ABCA13: variants seen among roughly 807,000 people sequenced by gnomAD.
ABCA13 encodes ATP-binding cassette sub-family A member 13.
A neutral mutation model predicts 478.7 loss-of-function variants in ABCA13; 476 were observed. The ratio of observed to expected loss-of-function variants is 0.99; its 90% CI spans 0.92 to 1.07. The LOEUF is 1.07. ABCA13 is among the 50% of genes least tolerant of loss of function. The pLI, the probability that ABCA13 is intolerant of heterozygous loss-of-function variation, is 0.00. For missense variants in ABCA13, 6,060 were observed against 5,910.6 expected (o/e 1.03, Z -0.83); for synonymous variants, 2,252 against 2,158.9 (o/e 1.04, Z -1.20).
At chr7:48,494,918 A>G (rs188038712) in intron 48 of ABCA13, among the ~76,000 whole-genome samples, 1 of 152,324 alleles carries the variant, frequency 6.6e-6, no homozygotes, top group African/African-American at 2.4e-5. Flanking sequence ...TTCTCTAAGA[A>G]CACACAGGGA....
At chr7:48,177,120 A>G (rs944272686) in intron 1 of ABCA13, among the ~76,000 whole-genome samples, 11 of 152,238 alleles carry the variant, frequency 7.2e-5, no homozygotes, top group African/African-American at 2.7e-4. Context: ...AAATTTACAG[A>G]TATCAAGCCT....
intron 42 of ABCA13, among the ~76,000 whole-genome samples, chr7:48,432,061 C>T (rs141650308): frequency 1.0e-3 from 159 of 152,036 alleles, no homozygotes; most frequent in African/African-American, 3.7e-3. Flanking sequence ...TGCACATGTA[C>T]CCTAGAACTT....
In ABCA13 at chr7:48,431,031, G is replaced by A. The variant is rs543397058; in HGVS notation, c.12565+3160G>A. Among the ~76,000 whole-genome samples, 9 of 152,038 alleles carry A rather than the reference G, an allele frequency of 5.9e-5. No individual in the cohort carries two copies. The South Asian group carries it at 1.7e-3, about 28-fold the overall frequency. ...AGCTGTACCCTGTAAATTTTGATAT[G>A]TTGTATCTTCATTTTTCATTCATCT... On this transcript the variant is annotated intron_variant, in intron 42 of 61. Coordinates refer to ENST00000435803, the MANE Select transcript of ABCA13 (RefSeq NM_152701.5).
chr7:48,371,092 T>C (rs1232323191), intron 32 of ABCA13, among the ~76,000 whole-genome samples: 4 of 152,192 alleles, frequency 2.6e-5, no homozygotes, highest in Non-Finnish European at 5.9e-5. Context: ...TGGTTATAGA[T>C]GTGTGGTCTT....
At chr7:48,293,187 CT>C (rs1313851448) in intron 20 of ABCA13, among the ~76,000 whole-genome samples, 2 of 130,484 alleles carry the variant, frequency 1.5e-5, no homozygotes, top group Non-Finnish European at 3.2e-5. Flanking sequence ...CCTGAGAAGT[CT>C]TCAGCCCCCC....
At chr7:48,309,159 TTC>T (rs566535235) in intron 23 of ABCA13, among the ~76,000 whole-genome samples, 3 of 151,810 alleles carry the variant, frequency 2.0e-5, no homozygotes, top group Non-Finnish European at 2.9e-5. Flanking sequence ...ATCTGTTGAG[TTC>T]TCCGTGCTCT....
chr7:48,636,676 T>C (rs1794663658), intron 59 of ABCA13, among the ~76,000 whole-genome samples: 1 of 152,186 alleles, frequency 6.6e-6, no homozygotes, highest in Non-Finnish European at 1.5e-5. Context: ...ATGAATTTAG[T>C]AATTTTCCAA....
chr7:48,438,884 G>GTTTTGTTT (rs377348909), intron 42 of ABCA13, among the ~76,000 whole-genome samples: 14,990 of 139,260 alleles, frequency 0.11, 898 homozygotes, highest in East Asian at 0.19. Flanking sequence ...TTTTGCTAAG[G>GTTTTGTTT]TTTTTTTTTT....
chr7:48,637,160 C>T (rs1169191551), intron 59 of ABCA13, among the ~76,000 whole-genome samples: 2 of 151,560 alleles, frequency 1.3e-5, no homozygotes, highest in Non-Finnish European at 2.9e-5. Context: ...AGCAGAGCAC[C>T]CCCTTCCTTA....
At chr7:48,192,821 C>A (rs1797278608) in intron 1 of ABCA13, 138 bp from the exon 2 acceptor site, 5 of 646,486 alleles carry the variant, frequency 7.7e-6, no homozygotes, top group Non-Finnish European at 1.3e-5. Context: ...ATGAACTAGG[C>A]CTTGTCTGTG....
rs117228182 is a variant in ABCA13 at position 48,593,019 on chromosome 7, T to C, written c.14641-1691T>C. Reference sequence around the variant, plus strand: ...AGATTGGATCTTGGTTTTTATCCATTCATTCACTTTATGCCTTTTGATTGG... The same window carrying C: ...AGATTGGATCTTGGTTTTTATCCATCCATTCACTTTATGCCTTTTGATTGG... On this transcript the variant is annotated intron_variant, in intron 57 of 61. Coordinates refer to ENST00000435803, the MANE Select transcript of ABCA13 (RefSeq NM_152701.5). Among the ~76,000 whole-genome samples, 1,355 of 152,162 alleles carry C rather than the reference T, an allele frequency of 8.9e-3. 5 individuals carry two copies. The highest frequency in any genetic ancestry group is 0.014 in the Non-Finnish European group (975 of 67,882).
intron 39 of ABCA13, among the ~76,000 whole-genome samples, chr7:48,406,564 G>A (rs1284553341): frequency 1.3e-5 from 2 of 152,130 alleles, no homozygotes; most frequent in Non-Finnish European, 2.9e-5. Flanking sequence ...ACAGTGTCTT[G>A]GGGAAAACAG....
intron 53 of ABCA13, among the ~76,000 whole-genome samples, chr7:48,521,152 C>T (rs756513252): frequency 1.3e-5 from 2 of 152,142 alleles, no homozygotes; most frequent in East Asian, 3.9e-4. Context: ...AACATTTGAA[C>T]TGCATAAGGA....
At chr7:48,610,932 C>T (rs111327120) in intron 58 of ABCA13, among the ~76,000 whole-genome samples, 2,160 of 152,316 alleles carry the variant, frequency 0.014, 18 homozygotes, top group South Asian at 0.032. Flanking sequence ...GCCTATGATG[C>T]GAGGGGGGCT....
rs746312302 is a variant in ABCA13 at position 48,410,666 on chromosome 7, C to T, written c.12217C>T (p.Leu4073Phe). Residue 4073 changes from leucine to phenylalanine, a missense_variant, in exon 40 of 62, where the codon CTC (leucine) becomes TTC (phenylalanine). Transcript: ENST00000435803. Reference protein sequence around the residue: ...EAYGQGLRLTLTRQPSVLEAH... With the variant: ...EAYGQGLRLTFTRQPSVLEAH... ...ATATGGCCAGGGGCTCCGCCTGACACTCACGAGGCAGGTAAGGAGTGCAAC... is the reference window on the plus strand; with the variant it reads ...ATATGGCCAGGGGCTCCGCCTGACATTCACGAGGCAGGTAAGGAGTGCAAC... The T allele has an allele frequency of 1.2e-6, 2 of 1,613,148 alleles. No homozygotes were observed. The highest frequency in any genetic ancestry group is 2.2e-5 in the East Asian group (1 of 44,862).
At chr7:48,195,643 G>T (rs1429610369) in intron 2 of ABCA13, among the ~76,000 whole-genome samples, 1 of 152,168 alleles carries the variant, frequency 6.6e-6, no homozygotes. Flanking sequence ...GTCAGAGTGA[G>T]TCGCCTAATC....
intron 10 of ABCA13, 79 bp downstream of exon 10, chr7:48,241,145 A>G: frequency 6.7e-7 from 1 of 1,484,162 alleles, no homozygotes; most frequent in Non-Finnish European, 9.3e-7. Context: ...ATACTGTTAG[A>G]AACACATTCT....
chr7:48,645,013 G>A (rs568794287), intron 61 of ABCA13, among the ~76,000 whole-genome samples: 10 of 152,222 alleles, frequency 6.6e-5, no homozygotes, highest in African/African-American at 1.7e-4. Flanking sequence ...ATCATGTCAC[G>A]TTAACCTTCC....
chr7:48,413,159 T>C (rs2129099638), intron 41 of ABCA13, among the ~76,000 whole-genome samples: 1 of 152,286 alleles, frequency 6.6e-6, no homozygotes, highest in South Asian at 2.1e-4. Flanking sequence ...TAATTCAGAA[T>C]CATGAGGTGT....
Sources: allele counts gnomAD v4.1 joint callset (sites outside exome capture counted in the v4.1 genomes callset), GRCh38; gene constraint gnomAD v4.1.1; transcripts MANE v1.5; gene names NCBI Gene and HGNC (gene_info 2026-07-23, HGNC 2026-07-21).